The following TMEM50A variants were observed in gnomAD, a reference collection of about 807,000 sequenced individuals.
TMEM50A encodes the protein cervical cancer oncogene 9.
TMEM50A carries 8 observed loss-of-function variants against 23.9 expected under a neutral mutation model. The observed-to-expected ratio is 0.33, with a 90% CI of 0.20 to 0.60. The LOEUF (loss-of-function observed/expected upper bound fraction) is 0.60, where lower values mean the gene tolerates loss of function less well. Among genes scored for constraint, TMEM50A ranks in the 20% least tolerant of loss-of-function variants. The pLI is 0.81. For missense variants in TMEM50A, 178 were observed against 192.7 expected, an observed-to-expected ratio of 0.92 and a Z score of 0.45; for synonymous variants, 55 against 60.4, an observed-to-expected ratio of 0.91 and a Z score of 0.41.
At chr1:25,341,318 C>T (rs926415967) in intron 2 of TMEM50A, among the ~76,000 whole-genome samples, 6 of 151,568 alleles carry the variant, frequency 4.0e-5, no homozygotes, top group African/African-American at 7.3e-5. Context: ...CGTGCAGTGG[C>T]GCAATCTCAG....
intron 3 of TMEM50A, among the ~76,000 whole-genome samples, chr1:25,350,352 G>C (rs1645263515): frequency 6.6e-6 from 1 of 152,078 alleles, no homozygotes; most frequent in Non-Finnish European, 1.5e-5. Flanking sequence ...CTTTTTACCT[G>C]TTCCAATCTT....
Position 25,340,530 on chromosome 1 carries a change from AC to A in TMEM50A, c.45del (p.Trp16GlyfsTer25). 2 of 1,614,012 alleles carry A rather than the reference AC, an allele frequency of 1.2e-6. No homozygotes were observed. The highest frequency in any genetic ancestry group is 4.5e-5 in the East Asian group (2 of 44,864). ...LEGLRCSECIDWGEKRNTIAS... is the reference protein window; with the variant it reads ...LEGLRCSECIXWGEKRNTIAS... ...GGCTTGAGATGCTCAGAATGCATTG[AC>A]TGGGGGGAAAAGCGCAATACTATTG... On this transcript the variant is annotated frameshift_variant, in exon 2 of 7. Transcript: ENST00000374358. LOFTEE classifies it high-confidence loss of function.
At chr1:25,356,885 T>G in intron 6 of TMEM50A, 32 bp downstream of exon 6, 1 of 1,517,064 alleles carries the variant, frequency 6.6e-7, no homozygotes, top group Non-Finnish European at 8.9e-7. Flanking sequence ...TATGTTTGTT[T>G]GTTTTTTTTT....
intron 3 of TMEM50A, among the ~76,000 whole-genome samples, chr1:25,344,366 AC>A (rs1398823304): frequency 6.6e-6 from 1 of 152,174 alleles, no homozygotes; most frequent in African/African-American, 2.4e-5. Context: ...AAACCGGTAA[AC>A]AAAATTTATT....
Position 25,351,551 on chromosome 1 carries a change from G to C in TMEM50A, c.207-75G>C, listed in dbSNP as rs3093615. ...GACTTTCAGGCCTAACCTTACATTT[G>C]AGAAACTGTAGATTATTGTTTCTGG... On this transcript the variant is annotated intron_variant, in intron 3 of 6. Coordinates refer to ENST00000374358, the MANE Select transcript of TMEM50A (RefSeq NM_014313.4). The C allele has an allele frequency of 1.2e-3, 1,546 of 1,273,998 alleles. 19 individuals carry two copies. The African/African-American group carries it at 0.02, about 17-fold the overall frequency. The allele number at this position is 1,273,998 out of a possible 1,614,324, so 78.9% of individuals were successfully genotyped here.
At chr1:25,340,040 G>A (rs1645151066) in intron 1 of TMEM50A, among the ~76,000 whole-genome samples, 1 of 152,082 alleles carries the variant, frequency 6.6e-6, no homozygotes, top group South Asian at 2.1e-4. Context: ...AGGTTCAAGC[G>A]ATTCTCCTGC....
At chr1:25,350,888 G>A (rs376323567) in intron 3 of TMEM50A, among the ~76,000 whole-genome samples, 58 of 151,976 alleles carry the variant, frequency 3.8e-4, no homozygotes, top group Admixed American at 3.3e-3. Flanking sequence ...CTGGCTGGGC[G>A]CAGTGGCTCA....
chr1:25,356,906 C>A (rs950798998), intron 6 of TMEM50A, 53 bp downstream of exon 6: 2 of 1,318,404 alleles, frequency 1.5e-6, no homozygotes, highest in Non-Finnish European at 1.1e-6. Flanking sequence ...AAAATAGCTT[C>A]TTTTATATCA....
chr1:25,353,883 G>A (rs1645305600), intron 5 of TMEM50A, among the ~76,000 whole-genome samples: 1 of 152,136 alleles, frequency 6.6e-6, no homozygotes, highest in South Asian at 2.1e-4. Context: ...TGAATAAAAT[G>A]TAACTTGTAG....
At chr1:25,346,892 T>C (rs1169174381) in intron 3 of TMEM50A, among the ~76,000 whole-genome samples, 1 of 151,970 alleles carries the variant, frequency 6.6e-6, no homozygotes, top group Non-Finnish European at 1.5e-5. Context: ...TGGTGGTGCA[T>C]GCCTGTGGTC....
chr1:25,356,385 A>C (rs1645333859), intron 5 of TMEM50A, among the ~76,000 whole-genome samples: 1 of 151,034 alleles, frequency 6.6e-6, no homozygotes, highest in South Asian at 2.1e-4. Flanking sequence ...GCGTGTCCTT[A>C]CTCCAGTGTC....
chr1:25,350,532 G>T (rs1645265111), intron 3 of TMEM50A, among the ~76,000 whole-genome samples: 1 of 152,104 alleles, frequency 6.6e-6, no homozygotes, highest in Non-Finnish European at 1.5e-5. Context: ...AGGATTACAG[G>T]CATGTGCCAC....
chr1:25,345,812 G>T (rs553298219), intron 3 of TMEM50A, among the ~76,000 whole-genome samples: 1 of 151,236 alleles, frequency 6.6e-6, no homozygotes, highest in Admixed American at 6.6e-5. Flanking sequence ...TTTTGAGATG[G>T]AGTTTTGCTC....
Position 25,356,840 on chromosome 1 carries a change from T to G in TMEM50A, c.415T>G (p.Phe139Val). 6.3e-7 allele frequency: 1 copy of G among 1,589,534 alleles called. No homozygotes were observed. The highest frequency in any genetic ancestry group is 8.5e-7 in the Non-Finnish European group (1 of 1,172,110). ...AATTGCTGTATTTTTCCAGAATGCC[T>G]TCATCTTTTTTGGGTAAGTTTGTTT... ...PGIAVFFQNA[F>V]IFFGGLVFKF... The change falls in exon 6 of 7, where the codon TTC becomes GTC. Residue 139 changes from phenylalanine to valine, a missense_variant. Physicochemically the swap from Phe to Val is conservative, Grantham distance 50. Transcript: ENST00000374358.
In TMEM50A at chr1:25,351,770, T is replaced by C. The variant is rs1192959030; in HGVS notation, c.274+77T>C. On this transcript the variant is annotated intron_variant, in intron 4 of 6. Transcript: ENST00000374358. The stretch of plus-strand genomic sequence containing the variant: ...AGTATTTCACATGGAAATACCACTT[T>C]TCTATTTGTTTTAATATATCTGTGA... 4.8e-6 allele frequency: 6 copies of C among 1,260,980 alleles called. No homozygotes were observed. The East Asian group carries it at 1.4e-4, about 30-fold the overall frequency. The allele number at this position is 1,260,980 out of a possible 1,614,324, so 78.1% of individuals were successfully genotyped here. A position where few individuals can be genotyped will look rare whatever the true frequency, so the allele number is the denominator to read the frequency against.
chr1:25,351,599 T>A (rs374707567), intron 3 of TMEM50A, 27 bp from the exon 4 acceptor site: 2 of 1,586,952 alleles, frequency 1.3e-6, no homozygotes, highest in African/African-American at 2.7e-5. Context: ...TGGACCCTGA[T>A]TTCTTGGTTT....
chr1:25,358,926 TG>T (rs1174050406), intron 6 of TMEM50A, among the ~76,000 whole-genome samples: 1 of 152,360 alleles, frequency 6.6e-6, no homozygotes, highest in Admixed American at 6.5e-5. Context: ...GACTAATTTT[TG>T]TATTTTTTGT....
chr1:25,351,559 G>T, intron 3 of TMEM50A, 67 bp from the exon 4 acceptor site: 1 of 1,347,692 alleles, frequency 7.4e-7, no homozygotes, highest in South Asian at 1.3e-5. Flanking sequence ...TTGAGAAACT[G>T]TAGATTATTG....
At chr1:25,355,258 C>G (rs892522284) in intron 5 of TMEM50A, among the ~76,000 whole-genome samples, 1 of 151,644 alleles carries the variant, frequency 6.6e-6, no homozygotes, top group African/African-American at 2.4e-5. Context: ...CAGTGAGCTG[C>G]GATCACGCCA....
Sources: allele counts gnomAD v4.1 joint callset (sites outside exome capture counted in the v4.1 genomes callset), GRCh38; gene constraint gnomAD v4.1.1; transcripts MANE v1.5; gene names NCBI Gene and HGNC (gene_info 2026-07-23, HGNC 2026-07-21).